BCAS3: variants seen among roughly 807,000 people sequenced by gnomAD.
BCAS3 encodes the protein BCAS3 microtubule associated cell migration factor.
In BCAS3, 53 loss-of-function variants were observed where a neutral mutation model predicts 116.1. The ratio of observed to expected loss-of-function variants is 0.46; its 90% CI spans 0.37 to 0.57. The LOEUF (loss-of-function observed/expected upper bound fraction) is 0.57. BCAS3 is among the 20% of genes least tolerant of loss of function. BCAS3 has a pLI of 0.00. For synonymous variants in BCAS3, 391 were observed against 408.2 expected, an observed-to-expected ratio of 0.96 and a Z score of 0.51; for missense variants, 917 against 1,165.4, an observed-to-expected ratio of 0.79 and a Z score of 3.10.
chr17:61,292,337 A>G lies in BCAS3; in HGVS notation c.2426-75990A>G, dbSNP rs191596851. 4.6e-5 allele frequency among the ~76,000 whole-genome samples: 7 copies of G among 152,240 alleles called. No individual in the cohort carries two copies. The East Asian group carries it at 1.2e-3, about 25-fold the overall frequency. The stretch of plus-strand genomic sequence containing the variant: ...TTGCAGAGAATTAAGAGAAAAGGAT[A>G]GTCCCCTAGTTTGATTTGAAAAGAA... On this transcript the variant is annotated intron_variant, in intron 22 of 23. Coordinates refer to ENST00000407086, the MANE Select transcript of BCAS3 (RefSeq NM_017679.5).
At chr17:60,802,744 C>T (rs1246269962) in intron 6 of BCAS3, among the ~76,000 whole-genome samples, 4 of 152,082 alleles carry the variant, frequency 2.6e-5, no homozygotes, top group East Asian at 1.9e-4. Context: ...TGGGTTCAAG[C>T]GATTCTCCTG....
chr17:60,727,104 G>C, intron 5 of BCAS3: 1 of 416,562 alleles, frequency 2.4e-6, no homozygotes, highest in South Asian at 4.7e-5. Flanking sequence ...TTTTCTCTCA[G>C]GTAATTTTTC....
chr17:60,787,071 A>G (rs1004141671), intron 6 of BCAS3, among the ~76,000 whole-genome samples: 1 of 152,156 alleles, frequency 6.6e-6, no homozygotes, highest in Non-Finnish European at 1.5e-5. Context: ...TCACTACCCT[A>G]ATCAGCCACT....
chr17:60,767,277 C>T (rs913969812), intron 6 of BCAS3, among the ~76,000 whole-genome samples: 25 of 151,376 alleles, frequency 1.7e-4, no homozygotes, highest in African/African-American at 4.8e-4. Context: ...TCTTCTGCGT[C>T]GATCATGCTG....
Position 61,041,944 on chromosome 17 carries a change from A to C in BCAS3, c.2029+1052A>C, listed in dbSNP as rs1367518376. ...TGCTTCTCTCCTCAATGAATTCCCT[A>C]ATTCAGGAGATAGACATTTAATAAA... On this transcript the variant is annotated intron_variant, in intron 19 of 23. Coordinates refer to ENST00000407086, the MANE Select transcript of BCAS3 (RefSeq NM_017679.5). This position sits in a 1 kb window ranked among gnomAD's most constrained non-coding sequence, Gnocchi z 4.7. Among the ~76,000 whole-genome samples, 1 of 152,014 alleles carries C rather than the reference A, an allele frequency of 6.6e-6. No individual in the cohort carries two copies. Among genetic ancestry groups the C allele is most frequent in the Non-Finnish European group, 1.5e-5 (1 of 67,970 alleles).
At chr17:60,780,819 A>G (rs1334922959) in intron 6 of BCAS3, among the ~76,000 whole-genome samples, 1 of 152,172 alleles carries the variant, frequency 6.6e-6, no homozygotes, top group Admixed American at 6.5e-5. Context: ...TCTTTGAGTT[A>G]TGGCTAACAT....
At chr17:60,929,540 TTTC>T (rs1393294894) in intron 13 of BCAS3, among the ~76,000 whole-genome samples, 1 of 152,134 alleles carries the variant, frequency 6.6e-6, no homozygotes, top group Non-Finnish European at 1.5e-5. Context: ...AGATATGTAA[TTTC>T]TTTTTTATTT....
Position 61,286,899 on chromosome 17 carries a change from A to G in BCAS3, c.2426-81428A>G, listed in dbSNP as rs1466834516. On this transcript the variant is annotated intron_variant, in intron 22 of 23. Transcript: ENST00000407086. This position sits in a 1 kb window ranked among gnomAD's most constrained non-coding sequence, Gnocchi z 4.8. ...TTCACTGAAACTTTATGGGCCACCT[A>G]CTGAGCCAGACACCAGAGATGCAAC... Among the ~76,000 whole-genome samples the G allele has an allele frequency of 5.9e-5, 9 of 152,280 alleles. No homozygotes were observed. Among genetic ancestry groups the G allele is most frequent in the Admixed American group, 2.6e-4 (4 of 15,294 alleles).
intron 7 of BCAS3, among the ~76,000 whole-genome samples, chr17:60,855,237 C>T (rs1472627510): frequency 3.3e-5 from 5 of 151,078 alleles, no homozygotes; most frequent in African/African-American, 1.2e-4. Flanking sequence ...TGTGAGCCAC[C>T]GTGCCCAGAG....
rs1602030170 is a variant in BCAS3 at position 61,227,583 on chromosome 17, T to C, written c.2426-140744T>C. On this transcript the variant is annotated intron_variant, in intron 22 of 23. Transcript: ENST00000407086. The surrounding 1 kb of genome is among the most constrained non-coding windows in gnomAD (Gnocchi z 6.1). Reference sequence around the variant, plus strand: ...ACCAGGCCTGTGTGCTGGGGAGACCTTCTGTGCCCTAAGGCCACATGGCCG... The same window carrying C: ...ACCAGGCCTGTGTGCTGGGGAGACCCTCTGTGCCCTAAGGCCACATGGCCG... 6.6e-6 allele frequency among the ~76,000 whole-genome samples: 1 copy of C among 152,314 alleles called. No individual in the cohort carries two copies. Among genetic ancestry groups the C allele is most frequent in the East Asian group, 1.9e-4 (1 of 5,172 alleles).
At chr17:61,294,971 A>G (rs565772445) in intron 22 of BCAS3, among the ~76,000 whole-genome samples, 1 of 152,344 alleles carries the variant, frequency 6.6e-6, no homozygotes, top group South Asian at 2.1e-4. Flanking sequence ...GGAAACAAAG[A>G]CAGCCTCCAA....
rs1602037767 is a variant in BCAS3, at chr17:61,228,572, G to C, written c.2426-139755G>C. Reference sequence around the variant, plus strand: ...GTCTCTGTGTCATACTATGGTAATTGTCACCAGCTTTCAAACTTTTGCATT... The same window carrying C: ...GTCTCTGTGTCATACTATGGTAATTCTCACCAGCTTTCAAACTTTTGCATT... On this transcript the variant is annotated intron_variant, in intron 22 of 23. Coordinates refer to ENST00000407086, the MANE Select transcript of BCAS3 (RefSeq NM_017679.5). The surrounding 1 kb of genome is among the most constrained non-coding windows in gnomAD (Gnocchi z 5.0). 6.6e-6 allele frequency among the ~76,000 whole-genome samples: 1 copy of C among 152,160 alleles called. No individual in the cohort carries two copies. The highest frequency in any genetic ancestry group is 1.9e-4 in the East Asian group (1 of 5,190).
At chr17:61,197,019 T>C (rs1183863095) in intron 22 of BCAS3, among the ~76,000 whole-genome samples, 1 of 152,228 alleles carries the variant, frequency 6.6e-6, no homozygotes, top group Non-Finnish European at 1.5e-5. Flanking sequence ...TGTAATTTGA[T>C]TTACTTCATA....
intron 6 of BCAS3, among the ~76,000 whole-genome samples, chr17:60,756,960 C>T (rs2043040560): frequency 6.6e-6 from 1 of 152,102 alleles, no homozygotes; most frequent in African/African-American, 2.4e-5. Flanking sequence ...GTCAAGAGAT[C>T]AAGACCATCC....
rs184698621 is a variant in BCAS3 at position 60,987,643 on chromosome 17, G to T, written c.1222-2328G>T. ...TTCTTTTTCAGATTGTTCACATTTG[G>T]CATGTAGAAATGCTACTGATTGTTG... On this transcript the variant is annotated intron_variant, in intron 14 of 23. Coordinates refer to ENST00000407086, the MANE Select transcript of BCAS3 (RefSeq NM_017679.5). Among the ~76,000 whole-genome samples the T allele has an allele frequency of 3.4e-4, 52 of 152,066 alleles. 1 individual carries two copies. In the East Asian group the frequency reaches 0.01, roughly 29 times the overall value.
At chr17:60,757,520 A>G (rs944535751) in intron 6 of BCAS3, among the ~76,000 whole-genome samples, 2 of 150,602 alleles carry the variant, frequency 1.3e-5, no homozygotes, top group Non-Finnish European at 2.9e-5. Context: ...GATGCTTAGT[A>G]ATTTTGAGCA....
chr17:60,976,396 A>G (rs2062372020), intron 14 of BCAS3, among the ~76,000 whole-genome samples: 1 of 149,686 alleles, frequency 6.7e-6, no homozygotes, highest in Non-Finnish European at 1.5e-5. Context: ...GCTGGGTCAT[A>G]TGGTAACTTT....
chr17:61,253,849 G>T (rs191906168), intron 22 of BCAS3, among the ~76,000 whole-genome samples: 1 of 152,014 alleles, frequency 6.6e-6, no homozygotes, highest in African/African-American at 2.4e-5. Flanking sequence ...CGGCCTCCAC[G>T]GTTTACATGG....
chr17:60,715,204 G>A (rs2038437421), intron 5 of BCAS3, among the ~76,000 whole-genome samples: 1 of 149,400 alleles, frequency 6.7e-6, no homozygotes, highest in African/African-American at 2.5e-5. Flanking sequence ...CATGATCCTG[G>A]CTCACTGCAG....
Sources: allele counts gnomAD v4.1 joint callset (sites outside exome capture counted in the v4.1 genomes callset), GRCh38; gene constraint gnomAD v4.1.1; non-coding constraint Gnocchi (gnomAD v3.1); transcripts MANE v1.5; gene names NCBI Gene and HGNC (gene_info 2026-07-23, HGNC 2026-07-21).